PRKG1: variants seen among roughly 807,000 people sequenced by gnomAD.
PRKG1 encodes the protein cGMP-dependent protein kinase 1.
Under a neutral mutation model 88.1 loss-of-function variants are expected in PRKG1, and 35 were observed. That is an observed-to-expected ratio of 0.40 (90% CI 0.30 to 0.53). The LOEUF is 0.53. PRKG1 is among the 20% of genes least tolerant of loss of function. PRKG1 has a pLI of 0.59. For synonymous variants in PRKG1, 303 were observed against 292.5 expected (o/e 1.04, Z -0.37); for missense variants, 540 against 839.8 (o/e 0.64, Z 4.41).
intron 1 of PRKG1, among the ~76,000 whole-genome samples, chr10:51,027,475 C>G (rs1843222427): frequency 6.6e-6 from 1 of 152,034 alleles, no homozygotes; most frequent in African/African-American, 2.4e-5. Context: ...CTTTGTTATG[C>G]CCCTTTTGCA....
intron 2 of PRKG1, among the ~76,000 whole-genome samples, chr10:51,450,909 G>C (rs914701867): frequency 7.9e-5 from 12 of 151,476 alleles, no homozygotes; most frequent in African/African-American, 2.9e-4. Flanking sequence ...CTAAGAGAAT[G>C]GCAAATTCAA....
At chr10:52,089,804 C>CTTTATTTTTTTTTTTT (rs1847005666) in intron 7 of PRKG1, among the ~76,000 whole-genome samples, 1 of 67,722 alleles carries the variant, frequency 1.5e-5, no homozygotes, top group Admixed American at 2.4e-4. Flanking sequence ...TTCTTTCCTT[C>CTTTATTTTTTTTTTTT]TTTTTTTTTT....
chr10:51,758,985 T>G (rs1385206040), intron 3 of PRKG1, among the ~76,000 whole-genome samples: 1 of 152,102 alleles, frequency 6.6e-6, no homozygotes, highest in Non-Finnish European at 1.5e-5. Flanking sequence ...CTGAGAATTA[T>G]GGTTTCCAGC....
chr10:51,945,238 T>G (rs928122944), intron 5 of PRKG1, among the ~76,000 whole-genome samples: 2 of 148,162 alleles, frequency 1.3e-5, no homozygotes. Flanking sequence ...TTGATCTTTG[T>G]TGGTTTAAAG....
intron 2 of PRKG1, among the ~76,000 whole-genome samples, chr10:51,380,061 C>T (rs976941271): frequency 2.0e-5 from 3 of 152,186 alleles, no homozygotes; most frequent in African/African-American, 7.2e-5. Flanking sequence ...GTGATCAGCC[C>T]TGTTGAAGCC....
At chr10:51,754,932 C>T (rs754644907) in intron 3 of PRKG1, among the ~76,000 whole-genome samples, 6 of 151,178 alleles carry the variant, frequency 4.0e-5, no homozygotes, top group Non-Finnish European at 7.4e-5. Context: ...TCCCCACAGG[C>T]ACTGTCAACT....
chr10:51,064,646 T>C (rs1230104719), intron 1 of PRKG1, among the ~76,000 whole-genome samples: 1 of 152,102 alleles, frequency 6.6e-6, no homozygotes, highest in East Asian at 1.9e-4. Context: ...TTGAAGGGCT[T>C]ACGAAGTATT....
At chr10:51,991,457 C>T (rs2339892) in intron 5 of PRKG1, among the ~76,000 whole-genome samples, 33,826 of 151,720 alleles carry the variant, frequency 0.22, 4,340 homozygotes, top group Admixed American at 0.31. Context: ...TGTGTACATG[C>T]GCCATGTTGG....
At chr10:51,200,645 T>G (rs1023562694) in intron 2 of PRKG1, among the ~76,000 whole-genome samples, 8 of 152,238 alleles carry the variant, frequency 5.3e-5, no homozygotes, top group African/African-American at 1.7e-4. Flanking sequence ...ACCCAAAATC[T>G]GCTTGCTGAA....
intron 5 of PRKG1, among the ~76,000 whole-genome samples, chr10:52,039,038 G>A (rs577274073): frequency 1.2e-4 from 19 of 152,198 alleles, no homozygotes; most frequent in South Asian, 8.3e-4. Flanking sequence ...GATCTTTCTC[G>A]TGGAGCAAAG....
chr10:51,435,023 A>G (rs1342521328), intron 2 of PRKG1, among the ~76,000 whole-genome samples: 2 of 152,064 alleles, frequency 1.3e-5, no homozygotes, highest in African/African-American at 4.8e-5. Context: ...AATCACCATA[A>G]AAAAATTTCT....
In PRKG1 at chr10:52,102,343, C is replaced by T. The variant is rs575161268; in HGVS notation, c.936-31497C>T. Among the ~76,000 whole-genome samples, 370 of 152,078 alleles carry T rather than the reference C, an allele frequency of 2.4e-3. 1 individual carries two copies. Among genetic ancestry groups the T allele is most frequent in the Non-Finnish European group, 4.4e-3 (298 of 68,024 alleles). The stretch of plus-strand genomic sequence containing the variant: ...CACATGACGTTTAAGGCACAAACAT[C>T]ACAACCATATGCTGTGGAAAGAATT... On this transcript the variant is annotated intron_variant, in intron 7 of 17. Transcript: ENST00000373980.
intron 9 of PRKG1, among the ~76,000 whole-genome samples, chr10:52,174,296 G>A (rs1035352998): frequency 6.6e-6 from 1 of 151,724 alleles, no homozygotes; most frequent in Non-Finnish European, 1.5e-5. Flanking sequence ...AAAAAAAAAG[G>A]CCATTGAAGA....
chr10:51,426,224 G>A (rs1289064467), intron 2 of PRKG1, among the ~76,000 whole-genome samples: 5 of 152,014 alleles, frequency 3.3e-5, no homozygotes, highest in Non-Finnish European at 7.4e-5. Flanking sequence ...GAGGTTGCAG[G>A]GAGCCGAGAT....
intron 7 of PRKG1, among the ~76,000 whole-genome samples, chr10:52,086,566 A>G (rs1846920644): frequency 2.0e-5 from 3 of 151,824 alleles, no homozygotes; most frequent in Admixed American, 1.3e-4. Context: ...CACCACACCC[A>G]GCTAATTTTT....
intron 9 of PRKG1, among the ~76,000 whole-genome samples, chr10:52,198,023 C>T (rs1415867766): frequency 6.6e-6 from 1 of 152,180 alleles, no homozygotes; most frequent in Non-Finnish European, 1.5e-5. Context: ...TATTTCATTA[C>T]TCATGGCAGT....
chr10:51,890,135 T>A (rs558450811), intron 4 of PRKG1, among the ~76,000 whole-genome samples: 5 of 152,202 alleles, frequency 3.3e-5, no homozygotes, highest in African/African-American at 1.2e-4. Context: ...TCCTTGCCCA[T>A]GCCTATGTCC....
chr10:51,431,461 A>T (rs990237534), intron 2 of PRKG1, among the ~76,000 whole-genome samples: 7 of 152,202 alleles, frequency 4.6e-5, no homozygotes, highest in African/African-American at 1.7e-4. Flanking sequence ...GGCAGTCCTC[A>T]GTTGTCTGAT....
In PRKG1 at chr10:50,991,597, C is replaced by T. The variant is rs767467154; in HGVS notation, c.219C>T (p.Ser73=). The T allele has an allele frequency of 1.3e-6, 2 of 1,582,188 alleles. No homozygotes were observed. The highest frequency in any genetic ancestry group is 2.3e-5 in the East Asian group (1 of 42,650). ...CGGCCGAGCCGCAGACGTACAGGTC[C>T]TTCCACGACCTCCGACAGGCATTCC... The change falls in exon 1 of 18, where the codon TCC becomes TCT. Residue 73 remains serine (S), a synonymous_variant. Transcript: ENST00000401604. The surrounding 1 kb of genome is among the most constrained non-coding windows in gnomAD (Gnocchi z 4.5).
Sources: gnomAD v4.1 joint callset for allele counts (sites outside exome capture counted in the v4.1 genomes callset) on GRCh38, gnomAD v4.1.1 for gene constraint, Gnocchi (gnomAD v3.1) non-coding constraint, MANE v1.5 for transcripts, NCBI Gene and HGNC (gene_info 2026-07-23, HGNC 2026-07-21) for gene names.